The following CHD6 variants were observed in gnomAD, a reference collection of about 807,000 sequenced individuals.
The protein encoded by CHD6 is chromodomain helicase DNA binding protein 6.
In CHD6, 50 loss-of-function variants were observed where a neutral mutation model predicts 276.9. That is an observed-to-expected ratio of 0.18 (90% CI 0.14 to 0.23). The LOEUF (loss-of-function observed/expected upper bound fraction) is 0.23. Among genes scored for constraint, CHD6 ranks in the 10% least tolerant of loss-of-function variants. CHD6 has a pLI of 1.00. For synonymous variants in CHD6, 1,173 were observed against 1,229.3 expected (o/e 0.95, Z 0.96); for missense variants, 2,564 against 3,365.8 (o/e 0.76, Z 5.89).
intron 36 of CHD6, 90 bp downstream of exon 36, chr20:41,412,054 T>C: frequency 6.5e-7 from 1 of 1,544,932 alleles, no homozygotes; most frequent in Non-Finnish European, 8.7e-7. Flanking sequence ...GCGAACCCCT[T>C]CCCAGCTGGG....
At chr20:41,578,990 TG>T (rs1231319943) in intron 1 of CHD6, among the ~76,000 whole-genome samples, 1 of 143,570 alleles carries the variant, frequency 7.0e-6, no homozygotes, top group African/African-American at 2.6e-5. Context: ...ATTAGCTGGG[TG>T]TGGTGGCATG....
rs759074636 is a variant in CHD6, at chr20:41,405,062, C to T, written c.7679G>A (p.Ser2560Asn). The T allele has an allele frequency of 2.5e-5, 40 of 1,614,126 alleles. No homozygotes were observed. The highest frequency in any genetic ancestry group is 3.4e-5 in the Non-Finnish European group (40 of 1,180,052). The stretch of plus-strand genomic sequence containing the variant: ...AGTCTTTTCAGTCACTGCCGTACCA[C>T]TTTTCGTTGTGCTTGATAGAGACGC... ...APASLSSTTK[S>N]GTAVTEKTAE... The change falls in exon 37 of 37, where the codon AGT (serine) becomes AAT (asparagine). Residue 2560 changes from serine (S) to asparagine (N), a missense_variant. Around this residue, in one of 7 missense-constraint regions of CHD6, gnomAD observed 238 missense variants for 266.0 expected, o/e 0.89. Transcript: ENST00000373233.
At chr20:41,542,055 G>A (rs547685639) in intron 2 of CHD6, among the ~76,000 whole-genome samples, 1 of 152,302 alleles carries the variant, frequency 6.6e-6, no homozygotes, top group East Asian at 1.9e-4. Flanking sequence ...ATAAGTGCCT[G>A]TGTTGTTTTT....
At chr20:41,463,666 A>G (rs2042853287) in intron 17 of CHD6, among the ~76,000 whole-genome samples, 1 of 152,208 alleles carries the variant, frequency 6.6e-6, no homozygotes, top group Non-Finnish European at 1.5e-5. Context: ...CATAAAATAA[A>G]AAGAAAAACT....
chr20:41,461,999 G>T (rs2048564493), intron 17 of CHD6: 1 of 152,226 alleles, frequency 6.6e-6, no homozygotes, highest in African/African-American at 2.4e-5. Flanking sequence ...CTAAGAAACA[G>T]TCCAGCCATA....
At chr20:41,558,570 AG>A (rs1250827392) in intron 1 of CHD6, among the ~76,000 whole-genome samples, 1 of 152,228 alleles carries the variant, frequency 6.6e-6, no homozygotes, top group African/African-American at 2.4e-5. Context: ...ATTAAGAAAA[AG>A]GGTGCCAAGT....
intron 3 of CHD6, among the ~76,000 whole-genome samples, chr20:41,520,651 C>A: frequency 7.2e-6 from 1 of 138,328 alleles, no homozygotes; most frequent in African/African-American, 2.8e-5. Context: ...AGGGGAACAT[C>A]ACACACCGGG....
Position 41,437,341 on chromosome 20 carries a change from A to G in CHD6, c.4008-7T>C. On this transcript the variant is annotated splice_polypyrimidine_tract_variant and splice_region_variant and intron_variant, in intron 26 of 36. Coordinates refer to ENST00000373233, the MANE Select transcript of CHD6 (RefSeq NM_032221.5). ...TTCTTTATCTGTGTTGCCTCTAAAT[A>G]AAAGTAAAAAAAGGCATCACATACT... 2 of 1,607,198 alleles carry G rather than the reference A, an allele frequency of 1.2e-6. No homozygotes were observed. The highest frequency in any genetic ancestry group is 8.5e-7 in the Non-Finnish European group (1 of 1,175,922).
chr20:41,555,769 T>G (rs1225560026), intron 1 of CHD6, among the ~76,000 whole-genome samples: 1 of 128,790 alleles, frequency 7.8e-6, no homozygotes, highest in African/African-American at 3.0e-5. Context: ...CTTTCCAGAC[T>G]GGGCAGCCAG....
chr20:41,458,291 C>T (rs1349174265), intron 17 of CHD6, among the ~76,000 whole-genome samples: 1 of 152,138 alleles, frequency 6.6e-6, no homozygotes, highest in Admixed American at 6.5e-5. Flanking sequence ...AATCAGTTTC[C>T]AAAATAACAT....
intron 5 of CHD6, among the ~76,000 whole-genome samples, chr20:41,500,916 T>A (rs62208501): frequency 1.0e-3 from 153 of 152,314 alleles, no homozygotes; most frequent in Non-Finnish European, 1.9e-3. Context: ...TTTATGTCAC[T>A]TAATTTAAGA....
intron 34 of CHD6, 57 bp downstream of exon 34, chr20:41,415,129 G>C: frequency 2.6e-6 from 4 of 1,516,860 alleles, no homozygotes; most frequent in Non-Finnish European, 3.6e-6. Context: ...AGGAAGAAGG[G>C]TTTGTTTCTC....
chr20:41,502,243 T>A (rs1445767432), intron 5 of CHD6, among the ~76,000 whole-genome samples: 2 of 152,174 alleles, frequency 1.3e-5, no homozygotes, highest in South Asian at 2.1e-4. Flanking sequence ...AGTAGCCACA[T>A]TAAAAAAGTA....
At chr20:41,593,948 G>A (rs1282475944) in intron 1 of CHD6, among the ~76,000 whole-genome samples, 1 of 151,120 alleles carries the variant, frequency 6.6e-6, no homozygotes. Context: ...GTAGTATTTT[G>A]GTATGGCCCT....
intron 1 of CHD6, among the ~76,000 whole-genome samples, chr20:41,578,210 C>G (rs1031140342): frequency 3.3e-5 from 5 of 151,958 alleles, no homozygotes; most frequent in Admixed American, 6.6e-5. Flanking sequence ...TGCAGAAACA[C>G]GACTCTAGAT....
rs546918847 is a variant in CHD6, at chr20:41,613,783, A to T, written c.-24+4557T>A. Among the ~76,000 whole-genome samples, 16 of 152,306 alleles carry T rather than the reference A, an allele frequency of 1.1e-4. 3 individuals are homozygous for T. The highest frequency in any genetic ancestry group is 3.6e-4 in the African/African-American group (15 of 41,574). On this transcript the variant is annotated intron_variant, in intron 1 of 36. Coordinates refer to ENST00000373233, the MANE Select transcript of CHD6 (RefSeq NM_032221.5). The stretch of plus-strand genomic sequence containing the variant: ...TATGAGAGGCACAGATCCGTTTGAG[A>T]ATCATAAAAAACAATGGATTGTCCG...
In CHD6 at chr20:41,499,313, T is replaced by C; in HGVS notation, c.897A>G (p.Ala299=). ...DDANIIEKIL[A]SKTVQEVHPG... ...CACCAACCTCCTGGACAGTCTTAGA[T>C]GCCAGGATCTTCTCAATGATGTTTG... The change falls in exon 6 of 37, where the codon GCA becomes GCG. Residue 299 remains alanine (A), a synonymous_variant. Transcript: ENST00000373233. 1 of 1,607,810 alleles carries C rather than the reference T, an allele frequency of 6.2e-7. No individual in the cohort carries two copies. The highest frequency in any genetic ancestry group is 8.5e-7 in the Non-Finnish European group (1 of 1,176,832).
chr20:41,426,334 G>A (rs2047363887), intron 27 of CHD6, among the ~76,000 whole-genome samples, 181 bp from the exon 28 acceptor site: 1 of 152,150 alleles, frequency 6.6e-6, no homozygotes, highest in East Asian at 1.9e-4. Flanking sequence ...GAGCCAGAAA[G>A]CAGTTTATTT....
intron 25 of CHD6, among the ~76,000 whole-genome samples, chr20:41,440,827 G>A (rs1279130510): frequency 6.6e-6 from 1 of 152,202 alleles, no homozygotes; most frequent in Non-Finnish European, 1.5e-5. Flanking sequence ...GACAGCATTT[G>A]GCCACATAAA....
Sources: gnomAD v4.1 joint callset for allele counts (sites outside exome capture counted in the v4.1 genomes callset) on GRCh38, gnomAD v4.1.1 for gene constraint, gnomAD v4.1.1 regional missense constraint, MANE v1.5 for transcripts, NCBI Gene and HGNC (gene_info 2026-07-23, HGNC 2026-07-21) for gene names.